Variants in DAAM1 observed in about 807,000 individuals in gnomAD.
DAAM1 encodes the protein dishevelled associated activator of morphogenesis 1.
In DAAM1, 52 loss-of-function variants were observed where a neutral mutation model predicts 130.0. The ratio of observed to expected loss-of-function variants is 0.40; its 90% CI spans 0.32 to 0.50. The LOEUF is 0.50. Ranked by LOEUF, DAAM1 falls within the 20% of genes least tolerant of loss-of-function variation. DAAM1 has a pLI of 0.61. For missense variants in DAAM1, 1,134 were observed against 1,303.8 expected (o/e 0.87, Z 2.01); for synonymous variants, 452 against 444.5 (o/e 1.02, Z -0.21).
At chr14:59,297,213 TTCCCACA>T (rs1883988086) in intron 3 of DAAM1, among the ~76,000 whole-genome samples, 1 of 152,198 alleles carries the variant, frequency 6.6e-6, no homozygotes, top group Non-Finnish European at 1.5e-5. Context: ...TGCTGCCCTG[TTCCCACA>T]TTGCATCACT....
chr14:59,366,917 A>AT (rs1260674559), intron 23 of DAAM1, among the ~76,000 whole-genome samples: 1 of 105,246 alleles, frequency 9.5e-6, no homozygotes, highest in Non-Finnish European at 2.1e-5. Flanking sequence ...GACCCCATCT[A>AT]TTAAAAAAAA....
chr14:59,342,594 T>G (rs1011408498), intron 16 of DAAM1, among the ~76,000 whole-genome samples: 15 of 152,368 alleles, frequency 9.8e-5, no homozygotes, highest in African/African-American at 3.1e-4. Context: ...AGTCACCACT[T>G]TGGAGCATTT....
intron 3 of DAAM1, among the ~76,000 whole-genome samples, chr14:59,308,210 T>C (rs1363880299): frequency 6.6e-6 from 1 of 152,174 alleles, no homozygotes; most frequent in Non-Finnish European, 1.5e-5. Flanking sequence ...AGCTTAGTTA[T>C]GTTTGTTAAA....
intron 1 of DAAM1, among the ~76,000 whole-genome samples, chr14:59,189,138 C>G (rs1330921285): frequency 2.0e-5 from 3 of 152,116 alleles, no homozygotes; most frequent in Non-Finnish European, 4.4e-5. Context: ...GAAGGCTCCC[C>G]GGGGCTGGGG....
intron 21 of DAAM1, among the ~76,000 whole-genome samples, 190 bp downstream of exon 21, chr14:59,359,694 T>G (rs896726599): frequency 6.6e-6 from 1 of 152,218 alleles, no homozygotes; most frequent in African/African-American, 2.4e-5. Context: ...TGTTCTAGCT[T>G]CTTTGGAATA....
intron 1 of DAAM1, among the ~76,000 whole-genome samples, chr14:59,233,086 C>A (rs1475721237): frequency 6.6e-6 from 1 of 152,080 alleles, no homozygotes; most frequent in East Asian, 1.9e-4. Flanking sequence ...GTAAATGGTG[C>A]TGCAATAAAC....
intron 3 of DAAM1, among the ~76,000 whole-genome samples, chr14:59,306,082 G>T (rs201075539): frequency 6.7e-6 from 1 of 149,956 alleles, no homozygotes. Flanking sequence ...CTTGACTGTT[G>T]TTTTTTTTTT....
chr14:59,235,512 T>C (rs1159883380), intron 1 of DAAM1, among the ~76,000 whole-genome samples: 1 of 152,142 alleles, frequency 6.6e-6, no homozygotes, highest in Non-Finnish European at 1.5e-5. Flanking sequence ...TTTTTTATTG[T>C]GTGTATTTGA....
chr14:59,362,937 T>C (rs1886766599), intron 22 of DAAM1: 1 of 152,196 alleles, frequency 6.6e-6, no homozygotes, highest in Admixed American at 6.5e-5. Flanking sequence ...TATATGTTTG[T>C]ATAATGGGAA....
chr14:59,236,579 T>A (rs1889308286), intron 1 of DAAM1, among the ~76,000 whole-genome samples: 1 of 152,154 alleles, frequency 6.6e-6, no homozygotes, highest in Non-Finnish European at 1.5e-5. Context: ...TCTTCATGAC[T>A]TTGCATTTTC....
intron 2 of DAAM1, among the ~76,000 whole-genome samples, chr14:59,289,283 G>GA (rs1474193373): frequency 2.0e-5 from 3 of 152,064 alleles, no homozygotes; most frequent in Non-Finnish European, 4.4e-5. Flanking sequence ...CAGTGAGGGG[G>GA]AATCCACCCC....
At chr14:59,287,530 A>G (rs1310375222) in intron 2 of DAAM1, among the ~76,000 whole-genome samples, 1 of 152,208 alleles carries the variant, frequency 6.6e-6, no homozygotes, top group Non-Finnish European at 1.5e-5. Flanking sequence ...AGAAAACCCC[A>G]TAGACTCTGC....
chr14:59,298,964 A>C (rs540073459), intron 3 of DAAM1, among the ~76,000 whole-genome samples: 1 of 152,280 alleles, frequency 6.6e-6, no homozygotes, highest in Non-Finnish European at 1.5e-5. Flanking sequence ...AAGTAAATGT[A>C]CTCATAGGTT....
At chr14:59,303,089 C>T (rs1317659394) in intron 3 of DAAM1, among the ~76,000 whole-genome samples, 2 of 152,234 alleles carry the variant, frequency 1.3e-5, no homozygotes, top group African/African-American at 4.8e-5. Flanking sequence ...TGTTTATCAA[C>T]AGTGCTATGG....
In DAAM1 at chr14:59,209,193, A is replaced by G. The variant is rs931045817; in HGVS notation, c.-38+20425A>G. ...TATTTGACCATCCCTCTTGGCATAC[A>G]TTTCTGTTCTCTTTACTCCTCCCTC... is the stretch of plus-strand genomic sequence containing the variant. On this transcript the variant is annotated intron_variant, in intron 1 of 24. Transcript: ENST00000360909. Among the ~76,000 whole-genome samples, 13 of 152,156 alleles carry G rather than the reference A, an allele frequency of 8.5e-5. No homozygotes were observed. The East Asian group carries it at 2.5e-3, about 29-fold the overall frequency.
rs1314274882 is a variant in DAAM1, at chr14:59,370,280, A to G, written c.*1421A>G. On this transcript the variant is annotated 3_prime_UTR_variant, in exon 25 of 25. Transcript: ENST00000360909. ...AGAGAGTAGTTTGTCCTGTTGCACTAGAACATTATTTACTCACTAAATTGA... is the reference window on the plus strand; with the variant it reads ...AGAGAGTAGTTTGTCCTGTTGCACTGGAACATTATTTACTCACTAAATTGA... 4.0e-5 allele frequency: 6 copies of G among 150,596 alleles called. No homozygotes were observed. The East Asian group carries it at 1.2e-3, about 30-fold the overall frequency. 9.3% of individuals were successfully genotyped at this position (150,596 alleles called of 1,614,324 possible). A position where few individuals can be genotyped will look rare whatever the true frequency, so the allele number is the denominator to read the frequency against.
At chr14:59,318,820 C>A (rs1425605583) in intron 4 of DAAM1, among the ~76,000 whole-genome samples, 1 of 152,116 alleles carries the variant, frequency 6.6e-6, no homozygotes, top group Non-Finnish European at 1.5e-5. Context: ...AATCTCCCAA[C>A]TCTAGTATGG....
intron 2 of DAAM1, among the ~76,000 whole-genome samples, chr14:59,287,935 T>C (rs1170825469): frequency 1.3e-5 from 2 of 152,086 alleles, no homozygotes; most frequent in East Asian, 1.9e-4. Context: ...AAAATTCATA[T>C]AGAACCAAAG....
intron 20 of DAAM1, among the ~76,000 whole-genome samples, chr14:59,356,019 A>C (rs1286323929): frequency 1.3e-5 from 2 of 152,206 alleles, no homozygotes; most frequent in Non-Finnish European, 2.9e-5. Context: ...ACAGATTCTC[A>C]TTAAAGACAC....
Sources: allele counts gnomAD v4.1 joint callset (sites outside exome capture counted in the v4.1 genomes callset), GRCh38; gene constraint gnomAD v4.1.1; transcripts MANE v1.5; gene names NCBI Gene and HGNC (gene_info 2026-07-23, HGNC 2026-07-21).